VPS8: variants seen among roughly 807,000 people sequenced by gnomAD.
VPS8 encodes vacuolar protein sorting-associated protein 8 homolog.
VPS8 carries 129 observed loss-of-function variants against 216.4 expected under a neutral mutation model. The ratio of observed to expected loss-of-function variants is 0.60; its 90% CI spans 0.52 to 0.69. The LOEUF (loss-of-function observed/expected upper bound fraction) is 0.69. Ranked by LOEUF, VPS8 falls within the 30% of genes least tolerant of loss-of-function variation. The pLI, the probability that VPS8 is intolerant of heterozygous loss-of-function variation, is 0.00. For synonymous variants in VPS8, 571 were observed against 565.4 expected (o/e 1.01, Z -0.14); for missense variants, 1,531 against 1,683.5 (o/e 0.91, Z 1.59).
intron 45 of VPS8, among the ~76,000 whole-genome samples, chr3:185,004,745 G>A (rs1753997276): frequency 6.6e-6 from 1 of 151,932 alleles, no homozygotes; most frequent in Non-Finnish European, 1.5e-5. Context: ...TGAGTTCCTT[G>A]TAGATTCTGG....
intron 34 of VPS8, among the ~76,000 whole-genome samples, chr3:184,935,534 G>A (rs901702747): frequency 3.3e-5 from 5 of 152,056 alleles, no homozygotes; most frequent in African/African-American, 1.2e-4. Context: ...TTGTGTTTTA[G>A]CCGTGTATTG....
At chr3:184,860,107 A>G (rs1227833141) in intron 15 of VPS8, 42 bp downstream of exon 15, 2 of 1,436,008 alleles carry the variant, frequency 1.4e-6, no homozygotes, top group South Asian at 2.4e-5. Flanking sequence ...TAGTTCATGT[A>G]ATTGTTCTGA....
At chr3:184,813,608 A>G (rs192841745) in intron 1 of VPS8, 1 of 152,342 alleles carries the variant, frequency 6.6e-6, no homozygotes, top group African/African-American at 2.4e-5. Context: ...ACTGGGCTTT[A>G]TATGGTCAAA....
intron 8 of VPS8, 47 bp from the exon 9 acceptor site, chr3:184,849,024 A>T (rs776125436): frequency 6.2e-7 from 1 of 1,605,162 alleles, no homozygotes; most frequent in South Asian, 1.1e-5. Flanking sequence ...CGATGTATTT[A>T]CTCTCTTGCA....
Position 184,898,654 on chromosome 3 carries a change from G to A in VPS8, c.2094G>A (p.Glu698=). The A allele has an allele frequency of 6.5e-7, 1 of 1,537,362 alleles. No individual in the cohort carries two copies. Among genetic ancestry groups the A allele is most frequent in the Non-Finnish European group, 8.8e-7 (1 of 1,140,986 alleles). Residue 698 remains glutamate (E), a splice_region_variant and synonymous_variant, in exon 24 of 48, where the codon GAG becomes GAA. Transcript: ENST00000625842. The part of the protein sequence containing the change: ...RGMNEFISPM[E]KLFRVIAPPL... ...TGAATGAATTTATTAGTCCAATGGA[G>A]GTAAGATACTTCCTAACTTGGATAC...
intron 1 of VPS8, among the ~76,000 whole-genome samples, chr3:184,818,057 G>A (rs1013718367): frequency 6.6e-6 from 1 of 151,858 alleles, no homozygotes; most frequent in Non-Finnish European, 1.5e-5. Flanking sequence ...GGAAAGGGAA[G>A]GTGAATCAGC....
intron 36 of VPS8, among the ~76,000 whole-genome samples, chr3:184,948,445 G>T (rs1387464570): frequency 3.3e-5 from 5 of 152,116 alleles, no homozygotes; most frequent in Admixed American, 6.5e-5. Flanking sequence ...GAGCTAAGGA[G>T]TTTGAAGTTA....
chr3:184,824,886 T>A, intron 2 of VPS8, 101 bp downstream of exon 2: 1 of 1,135,638 alleles, frequency 8.8e-7, no homozygotes. Flanking sequence ...TTGCATGGGT[T>A]AATAGGAGTC....
chr3:184,815,154 C>T (rs187426555), intron 1 of VPS8, among the ~76,000 whole-genome samples: 1 of 152,182 alleles, frequency 6.6e-6, no homozygotes, highest in Admixed American at 6.5e-5. Context: ...CCTGAAGGAC[C>T]TGCCTGAAAC....
chr3:185,027,455 G>T (rs1237375193), intron 46 of VPS8, among the ~76,000 whole-genome samples: 1 of 151,638 alleles, frequency 6.6e-6, no homozygotes, highest in Non-Finnish European at 1.5e-5. Context: ...TGTTAGCCAG[G>T]ATGGTCTCGA....
chr3:184,835,674 T>G (rs1008908449), intron 5 of VPS8, among the ~76,000 whole-genome samples: 4 of 151,936 alleles, frequency 2.6e-5, no homozygotes, highest in African/African-American at 9.7e-5. Context: ...ATTTTGCATA[T>G]CCAAGTTGGA....
chr3:185,030,335 C>G (rs1757940111), intron 46 of VPS8, among the ~76,000 whole-genome samples: 1 of 152,192 alleles, frequency 6.6e-6, no homozygotes, highest in Non-Finnish European at 1.5e-5. Context: ...TGTCTTGTGT[C>G]TTGATCTCAG....
At chr3:184,927,883 C>T (rs1309792243) in intron 31 of VPS8, among the ~76,000 whole-genome samples, 2 of 152,118 alleles carry the variant, frequency 1.3e-5, no homozygotes, top group South Asian at 2.1e-4. Flanking sequence ...TCATCCATGC[C>T]GCAGCATGCA....
chr3:184,868,046 G>A lies in VPS8; in HGVS notation c.1493G>A (p.Arg498Lys), dbSNP rs1727689715. The stretch of plus-strand genomic sequence containing the variant: ...CAGTCTGTTTATGTGATGATGCTGA[G>A]GAGCTGGAGAGAGGTGAGTTCCAAG... Reference protein sequence around the residue: ...GTKSVYVMMLRSWRERVDHLL... With the variant: ...GTKSVYVMMLKSWRERVDHLL... Residue 498 changes from arginine (R) to lysine (K), a missense_variant, in exon 18 of 48, where the codon AGG becomes AAG. By Grantham distance (26) the Arg-to-Lys change is conservative (BLOSUM62 2). Around this residue, in one of 3 missense-constraint regions of VPS8, gnomAD observed 1,318 missense variants for 1,468.4 expected, o/e 0.90. Transcript: ENST00000625842. 6.2e-7 allele frequency: 1 copy of A among 1,612,850 alleles called. No homozygotes were observed. Among genetic ancestry groups the A allele is most frequent in the African/African-American group, 1.3e-5 (1 of 74,880 alleles).
intron 1 of VPS8, among the ~76,000 whole-genome samples, chr3:184,814,127 T>C (rs1715791096): frequency 6.6e-6 from 1 of 152,272 alleles, no homozygotes; most frequent in African/African-American, 2.4e-5. Context: ...ATAGCAATTA[T>C]ACTTTTTTAG....
intron 22 of VPS8, among the ~76,000 whole-genome samples, chr3:184,891,672 A>G (rs1420841357): frequency 6.6e-6 from 1 of 152,154 alleles, no homozygotes; most frequent in Non-Finnish European, 1.5e-5. Context: ...CAAAAAATAG[A>G]GCATTTTGAA....
At chr3:185,020,588 A>G (rs948661809) in intron 45 of VPS8, among the ~76,000 whole-genome samples, 2 of 148,490 alleles carry the variant, frequency 1.3e-5, no homozygotes, top group Non-Finnish European at 3.0e-5. Context: ...CTCCCACCTC[A>G]CCCTCCCAAG....
chr3:184,831,453 C>T (rs1719964152), intron 3 of VPS8, among the ~76,000 whole-genome samples: 1 of 152,182 alleles, frequency 6.6e-6, no homozygotes, highest in South Asian at 2.1e-4. Flanking sequence ...ACATTAATCT[C>T]TCAAGTACAT....
At chr3:184,935,165 CA>C (rs879363790) in intron 34 of VPS8, among the ~76,000 whole-genome samples, 52 of 143,882 alleles carry the variant, frequency 3.6e-4, no homozygotes, top group Admixed American at 4.9e-4. Context: ...CCGTCTCTAC[CA>C]AAAAAAAAAA....
Sources: gnomAD v4.1 joint callset for allele counts (sites outside exome capture counted in the v4.1 genomes callset) on GRCh38, gnomAD v4.1.1 for gene constraint, gnomAD v4.1.1 regional missense constraint, MANE v1.5 for transcripts, NCBI Gene and HGNC (gene_info 2026-07-23, HGNC 2026-07-21) for gene names.